The following SASH1 variants were observed in gnomAD, a reference collection of about 807,000 sequenced individuals.
The protein encoded by SASH1 is SAM and SH3 domain containing 1.
SASH1 carries 44 observed loss-of-function variants against 125.2 expected under a neutral mutation model. That is an observed-to-expected ratio of 0.35 (90% CI 0.28 to 0.45). The LOEUF (loss-of-function observed/expected upper bound fraction) is 0.45. Among genes scored for constraint, SASH1 ranks in the 20% least tolerant of loss-of-function variants. The probability of loss-of-function intolerance (pLI) is 1.00; values close to 1 mark genes in which losing one functional copy is unlikely to be tolerated. For synonymous variants in SASH1, 639 were observed against 649.1 expected, an observed-to-expected ratio of 0.98 and a Z score of 0.24; for missense variants, 1,426 against 1,614.5, an observed-to-expected ratio of 0.88 and a Z score of 2.00.
In SASH1 at chr6:148,546,086, C is replaced by T. The variant is rs147884424; in HGVS notation, c.3420C>T (p.Asp1140=). ...AGGACTTGGATCAGCCCGAGCGGGA[C>T]GTCGCCGCCAACATGGACCAGATCC... ...YAEDLDQPER[D]VAANMDQIRV... The change falls in exon 19 of 20, where the codon GAC becomes GAT. Residue 1140 remains aspartate (D), a synonymous_variant. Transcript: ENST00000367467. The T allele has an allele frequency of 4.2e-3, 6,851 of 1,614,218 alleles. 23 individuals are homozygous for T. The highest frequency in any genetic ancestry group is 5.5e-3 in the Non-Finnish European group (6,525 of 1,180,038).
intron 4 of SASH1, among the ~76,000 whole-genome samples, chr6:148,464,953 G>A (rs1421686863): frequency 6.6e-6 from 1 of 152,136 alleles, no homozygotes; most frequent in Non-Finnish European, 1.5e-5. Context: ...TCCTGGGGAA[G>A]TTCAAGCAAT....
Position 148,519,151 on chromosome 6 carries a change from A to G in SASH1, c.863-396A>G, listed in dbSNP as rs1780643026. Among the ~76,000 whole-genome samples, 1 of 152,224 alleles carries G rather than the reference A, an allele frequency of 6.6e-6. No individual in the cohort carries two copies. Among genetic ancestry groups the G allele is most frequent in the Non-Finnish European group, 1.5e-5 (1 of 68,032 alleles). On this transcript the variant is annotated intron_variant, in intron 9 of 19. Coordinates refer to ENST00000367467, the MANE Select transcript of SASH1 (RefSeq NM_015278.5). This position sits in a 1 kb window ranked among gnomAD's most constrained non-coding sequence, Gnocchi z 4.8. The stretch of plus-strand genomic sequence containing the variant: ...CAACTATAAAAAGCGACCAGAGCCA[A>G]CATAAAGGAGTGCCTTTCAGAAGGG...
intron 2 of SASH1, among the ~76,000 whole-genome samples, chr6:148,436,598 A>T (rs745710794): frequency 1.3e-5 from 2 of 152,218 alleles, no homozygotes; most frequent in African/African-American, 2.4e-5. Flanking sequence ...TACTCTTGCA[A>T]CCCAGCATCC....
intron 6 of SASH1, among the ~76,000 whole-genome samples, chr6:148,473,897 G>A (rs74610679): frequency 0.021 from 3,152 of 152,210 alleles, 49 homozygotes; most frequent in Non-Finnish European, 0.031. Flanking sequence ...TGACACCCAC[G>A]TGTTCTGCAA....
chr6:148,438,904 G>A (rs952830574), intron 2 of SASH1, among the ~76,000 whole-genome samples: 3 of 152,004 alleles, frequency 2.0e-5, no homozygotes, highest in African/African-American at 2.4e-5. Context: ...CATTCATTCC[G>A]ATACTCTATA....
At chr6:148,431,984 T>A (rs1337111974) in intron 2 of SASH1, among the ~76,000 whole-genome samples, 9 of 151,748 alleles carry the variant, frequency 5.9e-5, no homozygotes, top group Non-Finnish European at 1.0e-4. Flanking sequence ...TAATTTTTTT[T>A]TTTTTTTTTG....
intron 1 of SASH1, among the ~76,000 whole-genome samples, chr6:148,370,606 G>A (rs1302754532): frequency 5.9e-5 from 9 of 151,974 alleles, no homozygotes; most frequent in Admixed American, 6.6e-5. Context: ...GGCAGATCAC[G>A]AGGTCAGGAG....
chr6:148,226,162 C>G, the SASH1 span, among the ~76,000 whole-genome samples: 1 of 152,166 alleles, frequency 6.6e-6, no homozygotes, highest in Non-Finnish European at 1.5e-5. Flanking sequence ...CTGGACTCCA[C>G]ATCAGATTTT....
the SASH1 span, chr6:148,239,976 T>A: frequency 6.6e-6 from 1 of 152,296 alleles, no homozygotes; most frequent in African/African-American, 2.4e-5. Flanking sequence ...CCGTCACCTC[T>A]TCGGCATCAC....
At chr6:148,396,921 T>G (rs2114853118) in intron 2 of SASH1, among the ~76,000 whole-genome samples, 1 of 152,330 alleles carries the variant, frequency 6.6e-6, no homozygotes, top group Middle Eastern at 3.4e-3. Context: ...CTGTAACTGT[T>G]GATTTCTTTC....
chr6:148,328,196 C>T (rs1780892805), intron 1 of SASH1, among the ~76,000 whole-genome samples: 1 of 152,126 alleles, frequency 6.6e-6, no homozygotes, highest in African/African-American at 2.4e-5. Context: ...CGTGCTGTGC[C>T]TGGCTATTTT....
At chr6:148,277,062 T>C (rs139197014) in intron 1 of SASH1, among the ~76,000 whole-genome samples, 7 of 152,216 alleles carry the variant, frequency 4.6e-5, no homozygotes, top group African/African-American at 1.7e-4. Context: ...CACATAAAAA[T>C]CCCTATTTTA....
At chr6:148,283,950 C>T (rs1018448620) in intron 1 of SASH1, among the ~76,000 whole-genome samples, 1 of 151,594 alleles carries the variant, frequency 6.6e-6, no homozygotes, top group African/African-American at 2.4e-5. Context: ...AATGAATAAC[C>T]AGGAAGAACC....
intron 2 of SASH1, among the ~76,000 whole-genome samples, chr6:148,407,168 A>G (rs2114892395): frequency 6.6e-6 from 1 of 152,302 alleles, no homozygotes. Context: ...CACCATCACC[A>G]CCAACCATCC....
rs552348097 is a variant in SASH1, at chr6:148,470,606, G to A, written c.428-811G>A. On this transcript the variant is annotated intron_variant, in intron 5 of 19. Transcript: ENST00000367467. ...AAGGTATTACGTGTTATCAATGATCGGAACCCTACCACATATTAAAAATGT... is the reference window on the plus strand; with the variant it reads ...AAGGTATTACGTGTTATCAATGATCAGAACCCTACCACATATTAAAAATGT... Among the ~76,000 whole-genome samples, 95 of 152,230 alleles carry A rather than the reference G, an allele frequency of 6.2e-4. 1 individual carries two copies. The highest frequency in any genetic ancestry group is 3.9e-3 in the Admixed American group (59 of 15,302).
intron 2 of SASH1, among the ~76,000 whole-genome samples, chr6:148,392,397 AATT>A (rs1783766561): frequency 6.6e-6 from 1 of 152,160 alleles, no homozygotes; most frequent in African/African-American, 2.4e-5. Flanking sequence ...CAAAAATAAT[AATT>A]AAGTAACTAA....
At chr6:148,260,571 A>G in the SASH1 span, among the ~76,000 whole-genome samples, 18 of 150,922 alleles carry the variant, frequency 1.2e-4, no homozygotes, top group Non-Finnish European at 5.9e-5. Context: ...ATGCCACTAC[A>G]CTCCAACCTG....
chr6:148,367,736 G>A (rs1562356412), intron 1 of SASH1, among the ~76,000 whole-genome samples: 1 of 152,236 alleles, frequency 6.6e-6, no homozygotes, highest in Admixed American at 6.5e-5. Context: ...GATGGACGGA[G>A]CTGCTGCCCC....
At chr6:148,283,461 C>T (rs1365642621) in intron 1 of SASH1, 1 of 152,228 alleles carries the variant, frequency 6.6e-6, no homozygotes, top group Non-Finnish European at 1.5e-5. Flanking sequence ...CATCACAGCA[C>T]ATGGTCATAG....
Sources: gnomAD v4.1 joint callset for allele counts (sites outside exome capture counted in the v4.1 genomes callset) on GRCh38, gnomAD v4.1.1 for gene constraint, Gnocchi (gnomAD v3.1) non-coding constraint, MANE v1.5 for transcripts, NCBI Gene and HGNC (gene_info 2026-07-23, HGNC 2026-07-21) for gene names.